The following MORN2 variants were observed in gnomAD, a reference collection of about 807,000 sequenced individuals.
The protein encoded by MORN2 is MORN repeat-containing protein 2.
Under a neutral mutation model 13.4 loss-of-function variants are expected in MORN2, and 15 were observed. The observed-to-expected ratio is 1.12, with a 90% CI of 0.75 to 1.72. The LOEUF (loss-of-function observed/expected upper bound fraction) is 1.72. Ranked by LOEUF, MORN2 falls within the 40% of genes most tolerant of loss-of-function variation. MORN2 has a pLI of 0.00. For synonymous variants in MORN2, 46 were observed against 43.6 expected (o/e 1.06, Z -0.22); for missense variants, 168 against 134.6 (o/e 1.25, Z -1.23).
rs185437026 is a variant in MORN2 at position 38,881,324 on chromosome 2, C to G, written c.217-118C>G. The G allele has an allele frequency of 4.7e-4, 387 of 823,436 alleles. 1 individual carries two copies. The East Asian group carries it at 6.4e-3, about 14-fold the overall frequency. The allele number at this position is 823,436 out of a possible 1,614,324, so 51.0% of individuals were successfully genotyped here. Reference sequence around the variant, plus strand: ...GTCTTTATACTATGGAAATAAAGGACAATACAAAGTTGGTTAAGTAATAAT... The same window carrying G: ...GTCTTTATACTATGGAAATAAAGGAGAATACAAAGTTGGTTAAGTAATAAT... On this transcript the variant is annotated intron_variant, in intron 3 of 4. Coordinates refer to ENST00000644631, the MANE Select transcript of MORN2 (RefSeq NM_001145450.3).
chr2:38,878,040 C>T (rs565654875), intron 1 of MORN2, among the ~76,000 whole-genome samples: 7 of 152,176 alleles, frequency 4.6e-5, no homozygotes, highest in Non-Finnish European at 1.0e-4. Context: ...AAGCAACCCA[C>T]CCTCCTCAGC....
In MORN2 at chr2:38,880,644, G is replaced by T; in HGVS notation, c.154G>T (p.Gly52Ter). 4 of 1,545,938 alleles carry T rather than the reference G, an allele frequency of 2.6e-6. No individual in the cohort carries two copies. Among genetic ancestry groups the T allele is most frequent in the Non-Finnish European group, 3.5e-6 (4 of 1,145,034 alleles). The change falls in exon 3 of 5, where the codon GGA (glycine) becomes TGA (stop). Residue 52 changes from glycine (G) to a stop codon, truncating the protein, a stop_gained. Transcript: ENST00000644631. LOFTEE classifies it high-confidence loss of function. ...ATCTTCTGGAATCTACGAGAGAAAT[G>T]GAATAGGTATTCATACCACTCCTAA...
At chr2:38,881,308 C>T in intron 3 of MORN2, 134 bp from the exon 4 acceptor site, 1 of 715,070 alleles carries the variant, frequency 1.4e-6, no homozygotes, top group East Asian at 3.2e-5. Context: ...TGTCTTTATA[C>T]TATGGAAATA....
Position 38,882,523 on chromosome 2 carries a change from G to A in MORN2, c.*8G>A, listed in dbSNP as rs1558417599. 1.3e-6 allele frequency: 2 copies of A among 1,538,986 alleles called. No individual in the cohort carries two copies. Among genetic ancestry groups the A allele is most frequent in the Admixed American group, 2.0e-5 (1 of 50,528 alleles). ...TTAAAGCTTCACATGTAGATGTGAT[G>A]TTAAATTAAAGTTGAAATGTAGTAA... On this transcript the variant is annotated 3_prime_UTR_variant, in exon 5 of 5. Coordinates refer to ENST00000644631, the MANE Select transcript of MORN2 (RefSeq NM_001145450.3).
intron 2 of MORN2, 141 bp from the exon 3 acceptor site, chr2:38,880,459 T>A (rs1665748767): frequency 2.3e-6 from 1 of 435,608 alleles, no homozygotes; most frequent in African/African-American, 2.0e-5. Context: ...TTACAAGATG[T>A]TCTGTGTCCA....
At chr2:38,877,146 G>A (rs113756847) in intron 1 of MORN2, among the ~76,000 whole-genome samples, 4 of 152,240 alleles carry the variant, frequency 2.6e-5, no homozygotes, top group African/African-American at 7.2e-5. Context: ...GACGCCTGTA[G>A]TTCCAGCTAC....
chr2:38,876,121 C>G lies in MORN2; in HGVS notation c.58+11C>G, dbSNP rs1665608370. ...ACACCTCTCGGCCAAGTGAGTGTCC[C>G]TCCTCCTAACGACCCGGGCAGAGAA... On this transcript the variant is annotated intron_variant, in intron 1 of 4. Transcript: ENST00000644631. The G allele has an allele frequency of 7.5e-6, 3 of 398,724 alleles. No homozygotes were observed. Among genetic ancestry groups the G allele is most frequent in the Non-Finnish European group, 1.3e-5 (3 of 226,166 alleles). 24.7% of individuals were successfully genotyped at this position (398,724 alleles called of 1,614,324 possible).
intron 1 of MORN2, among the ~76,000 whole-genome samples, chr2:38,879,142 C>A (rs1052512843): frequency 2.0e-5 from 3 of 152,162 alleles, no homozygotes; most frequent in African/African-American, 7.2e-5. Context: ...AGCCCTTCCC[C>A]ACTTGCTATC....
Position 38,881,541 on chromosome 2 carries a change from A to G in MORN2, c.316A>G (p.Asn106Asp). The change falls in exon 4 of 5, where the codon AAT becomes GAT. Residue 106 changes from asparagine (N) to aspartate (D), a missense_variant. Transcript: ENST00000644631. ...TGGACTGGGGACTTACACATTCCCA[A>G]ATGGGGCAAAGTATACTGGAAATTT... 1.3e-6 allele frequency: 2 copies of G among 1,539,454 alleles called. No homozygotes were observed. Among genetic ancestry groups the G allele is most frequent in the Non-Finnish European group, 1.8e-6 (2 of 1,142,816 alleles).
chr2:38,880,486 T>C (rs1448740146), intron 2 of MORN2, 114 bp from the exon 3 acceptor site: 1 of 496,862 alleles, frequency 2.0e-6, no homozygotes, highest in Non-Finnish European at 3.4e-6. Context: ...TTCTCATCTC[T>C]GGTCTCACTG....
intron 1 of MORN2, 109 bp downstream of exon 1, chr2:38,876,219 A>G (rs182222408): frequency 1.8e-5 from 7 of 397,842 alleles, no homozygotes; most frequent in African/African-American, 8.2e-5. Flanking sequence ...GGGGTGTGAT[A>G]TATTTCCTGA....
intron 1 of MORN2, among the ~76,000 whole-genome samples, chr2:38,878,037 C>G (rs924250292): frequency 1.3e-5 from 2 of 152,254 alleles, no homozygotes; most frequent in African/African-American, 4.8e-5. Context: ...CTCAAGCAAC[C>G]CACCCTCCTC....
In MORN2 at chr2:38,881,577, A is replaced by G. The variant is rs1465127175; in HGVS notation, c.352A>G (p.Arg118Gly). The change falls in exon 4 of 5, where the codon AGG (arginine) becomes GGG (glycine). Residue 118 changes from arginine to glycine, a missense_variant and splice_region_variant. By Grantham distance (125) the Arg-to-Gly change is moderately radical. Coordinates refer to ENST00000644631, the MANE Select transcript of MORN2 (RefSeq NM_001145450.3). ...GTATACTGGAAATTTCAATGAAAAT[A>G]GGTAAGCTTAAAATAAAAAAAAATC... 2 of 1,507,794 alleles carry G rather than the reference A, an allele frequency of 1.3e-6. No individual in the cohort carries two copies. Among genetic ancestry groups the G allele is most frequent in the Middle Eastern group, 1.7e-4 (1 of 5,774 alleles). 93.4% of individuals were successfully genotyped at this position (1,507,794 alleles called of 1,614,324 possible). A position where few individuals can be genotyped will look rare whatever the true frequency, so the allele number is the denominator to read the frequency against.
At chr2:38,876,352 G>A in intron 1 of MORN2, 1 of 386,472 alleles carries the variant, frequency 2.6e-6, no homozygotes, top group Non-Finnish European at 4.6e-6. Flanking sequence ...TTTCCGCTAT[G>A]GTGCCGGGTG....
At chr2:38,879,579 T>C (rs887320498) in intron 1 of MORN2, among the ~76,000 whole-genome samples, 1 of 151,896 alleles carries the variant, frequency 6.6e-6, no homozygotes, top group Non-Finnish European at 1.5e-5. Flanking sequence ...ATGTCCAGAA[T>C]AGGCAAATCC....
At chr2:38,881,135 C>G (rs774576229) in intron 3 of MORN2, among the ~76,000 whole-genome samples, 1 of 152,204 alleles carries the variant, frequency 6.6e-6, no homozygotes, top group Non-Finnish European at 1.5e-5. Flanking sequence ...CCTGAACTAA[C>G]TAAACTGGTT....
chr2:38,879,550 A>G (rs1665730733), intron 1 of MORN2, among the ~76,000 whole-genome samples: 1 of 152,152 alleles, frequency 6.6e-6, no homozygotes. Flanking sequence ...CACATATTAT[A>G]TGATTTCATT....
rs1665777758 is a variant in MORN2, at chr2:38,881,538, C to G, written c.313C>G (p.Pro105Ala). ...TCATGGACTGGGGACTTACACATTC[C>G]CAAATGGGGCAAAGTATACTGGAAA... Residue 105 changes from proline to alanine, a missense_variant, in exon 4 of 5, where the codon CCA becomes GCA. By Grantham distance (27) the Pro-to-Ala change is conservative. Coordinates refer to ENST00000644631, the MANE Select transcript of MORN2 (RefSeq NM_001145450.3). 1 of 1,537,104 alleles carries G rather than the reference C, an allele frequency of 6.5e-7. No homozygotes were observed. The highest frequency in any genetic ancestry group is 8.8e-7 in the Non-Finnish European group (1 of 1,141,910).
At chr2:38,879,633 G>C (rs772133973) in intron 1 of MORN2, among the ~76,000 whole-genome samples, 47 of 152,076 alleles carry the variant, frequency 3.1e-4, no homozygotes, top group Non-Finnish European at 6.0e-4. Flanking sequence ...GTTTGGGGTT[G>C]TGGGGTGAGG....
Sources: allele counts gnomAD v4.1 joint callset (sites outside exome capture counted in the v4.1 genomes callset), GRCh38; gene constraint gnomAD v4.1.1; transcripts MANE v1.5; gene names NCBI Gene and HGNC (gene_info 2026-07-23, HGNC 2026-07-21).